Variants in DOCK4 observed in about 807,000 individuals in gnomAD.
DOCK4 encodes the protein dedicator of cytokinesis 4.
DOCK4 carries 97 observed loss-of-function variants against 268.1 expected under a neutral mutation model. The ratio of observed to expected loss-of-function variants is 0.36; its 90% CI spans 0.31 to 0.43. DOCK4 has a LOEUF of 0.43. Ranked by LOEUF, DOCK4 falls within the 20% of genes least tolerant of loss-of-function variation. DOCK4 has a pLI of 1.00. For synonymous variants in DOCK4, 954 were observed against 887.2 expected, an observed-to-expected ratio of 1.08 and a Z score of -1.34; for missense variants, 2,145 against 2,455.7, an observed-to-expected ratio of 0.87 and a Z score of 2.67.
At chr7:111,984,464 C>T (rs1028624623) in intron 6 of DOCK4, 74 bp from the exon 7 acceptor site, 6 of 1,332,910 alleles carry the variant, frequency 4.5e-6, no homozygotes, top group Non-Finnish European at 6.3e-6. Flanking sequence ...TGGTTTTTTA[C>T]TATATCACTT....
chr7:112,153,560 G>A (rs184425692), intron 1 of DOCK4, among the ~76,000 whole-genome samples: 251 of 152,246 alleles, frequency 1.6e-3, no homozygotes, highest in Middle Eastern at 3.4e-3. Flanking sequence ...ATCAATTTAA[G>A]TTTTCAGCTG....
intron 1 of DOCK4, among the ~76,000 whole-genome samples, chr7:112,133,174 C>T (rs1274498920): frequency 1.3e-5 from 2 of 152,118 alleles, no homozygotes; most frequent in East Asian, 1.9e-4. Context: ...AGGTGACAGG[C>T]TATACTGATG....
chr7:112,088,898 A>C (rs1809362723), intron 1 of DOCK4, among the ~76,000 whole-genome samples: 1 of 152,116 alleles, frequency 6.6e-6, no homozygotes, highest in Admixed American at 6.6e-5. Context: ...TAATTAAGTA[A>C]TGCATTTAAA....
At chr7:111,961,990 C>T (rs565280392) in intron 8 of DOCK4, among the ~76,000 whole-genome samples, 62 of 152,270 alleles carry the variant, frequency 4.1e-4, no homozygotes, top group Non-Finnish European at 7.8e-4. Flanking sequence ...AGAAGTTCAA[C>T]CAAGAGCTCA....
chr7:111,861,306 T>G (rs1805495976), intron 23 of DOCK4, among the ~76,000 whole-genome samples: 1 of 151,712 alleles, frequency 6.6e-6, no homozygotes, highest in Non-Finnish European at 1.5e-5. Flanking sequence ...TGAAGTGCTA[T>G]TTCAGAAAAA....
chr7:111,802,227 A>G (rs1284365048), intron 30 of DOCK4, among the ~76,000 whole-genome samples: 2 of 152,102 alleles, frequency 1.3e-5, no homozygotes, highest in Non-Finnish European at 2.9e-5. Context: ...CAGCTCACCA[A>G]GATGTCCTGG....
At chr7:112,071,829 A>G (rs1586762758) in intron 1 of DOCK4, among the ~76,000 whole-genome samples, 1 of 152,196 alleles carries the variant, frequency 6.6e-6, no homozygotes, top group African/African-American at 2.4e-5. Context: ...ACAGAAATAA[A>G]TCTATTAGGA....
At chr7:112,158,151 T>C (rs1395221581) in intron 1 of DOCK4, among the ~76,000 whole-genome samples, 1 of 152,184 alleles carries the variant, frequency 6.6e-6, no homozygotes, top group Non-Finnish European at 1.5e-5. Context: ...TAAGAACAGA[T>C]GGCTGAGCTG....
rs1800495702 is a variant in DOCK4 at position 111,804,147 on chromosome 7, A to C, written c.3166+4674T>G. Among the ~76,000 whole-genome samples, 3 of 152,376 alleles carry C rather than the reference A, an allele frequency of 2.0e-5. No homozygotes were observed. In the South Asian group the frequency reaches 6.2e-4, roughly 32 times the overall value. On this transcript the variant is annotated intron_variant, in intron 30 of 52. Transcript: ENST00000428084. ...AGAGATATTTTATATGCCCACGTTC[A>C]GAGCAGCACTATTCACAATAGACAA...
At chr7:112,071,554 G>A (rs1206453045) in intron 1 of DOCK4, among the ~76,000 whole-genome samples, 1 of 152,108 alleles carries the variant, frequency 6.6e-6, no homozygotes, top group Non-Finnish European at 1.5e-5. Flanking sequence ...AAGTTAAAAA[G>A]TCCTATTATT....
At chr7:111,795,720 G>A (rs779343824) in intron 30 of DOCK4, among the ~76,000 whole-genome samples, 1 of 152,186 alleles carries the variant, frequency 6.6e-6, no homozygotes, top group African/African-American at 2.4e-5. Flanking sequence ...AGTACCCTCT[G>A]TCAAAGGCCC....
rs752060319 is a variant in DOCK4 at position 111,863,391 on chromosome 7, G to A, written c.2454C>T (p.Ser818=). The change falls in exon 23 of 53, where the codon AGC becomes AGT. Residue 818 remains serine, a synonymous_variant. Coordinates refer to ENST00000428084, the MANE Select transcript of DOCK4 (RefSeq NM_001363540.2). ...CCCTACCTGGGTTGGTATAAAGCTG[G>A]CTTTCCACGGTTTTGCCAATGCACT... The part of the protein sequence containing the change: ...KLQCIGKTVE[S]QLYTNPDSRY... 1 of 1,613,990 alleles carries A rather than the reference G, an allele frequency of 6.2e-7. No individual in the cohort carries two copies. Among genetic ancestry groups the A allele is most frequent in the South Asian group, 1.1e-5 (1 of 91,082 alleles).
chr7:112,115,570 T>C (rs1812056965), intron 1 of DOCK4, among the ~76,000 whole-genome samples: 1 of 152,190 alleles, frequency 6.6e-6, no homozygotes, highest in Non-Finnish European at 1.5e-5. Flanking sequence ...TCCTCTGCCA[T>C]GCTAAGCATG....
At chr7:111,958,581 T>C (rs970611729) in intron 8 of DOCK4, among the ~76,000 whole-genome samples, 2 of 152,304 alleles carry the variant, frequency 1.3e-5, no homozygotes, top group South Asian at 4.1e-4. Flanking sequence ...TCCTGCACTA[T>C]TTAAGTAAAA....
rs546929300 is a variant in DOCK4, at chr7:111,794,867, G to A, written c.3167-4262C>T. 3.2e-4 allele frequency among the ~76,000 whole-genome samples: 48 copies of A among 152,260 alleles called. No individual in the cohort carries two copies. In the Middle Eastern group the frequency reaches 0.01, roughly 32 times the overall value. On this transcript the variant is annotated intron_variant, in intron 30 of 52. Coordinates refer to ENST00000428084, the MANE Select transcript of DOCK4 (RefSeq NM_001363540.2). ...CTACAGGCCTTTAGATGTGGCAGAA[G>A]AGTAATGCAAGTGAAAACCTGATTA...
At chr7:112,155,055 T>C (rs1235815863) in intron 1 of DOCK4, among the ~76,000 whole-genome samples, 1 of 152,234 alleles carries the variant, frequency 6.6e-6, no homozygotes, top group African/African-American at 2.4e-5. Flanking sequence ...AAGGAAGATG[T>C]TGTTTTTCCA....
chr7:112,144,958 C>T (rs1815312326), intron 1 of DOCK4, among the ~76,000 whole-genome samples: 1 of 152,114 alleles, frequency 6.6e-6, no homozygotes, highest in Admixed American at 6.5e-5. Context: ...ATGAAACACT[C>T]TTGCTTGTTA....
Position 111,900,432 on chromosome 7 carries a change from G to T in DOCK4, c.1422C>A (p.Pro474=). 6.2e-7 allele frequency: 1 copy of T among 1,613,522 alleles called. No individual in the cohort carries two copies. The highest frequency in any genetic ancestry group is 1.1e-5 in the South Asian group (1 of 90,856). The part of the protein sequence containing the change: ...SPRWSELLKL[P]IPVDKFRGAH... Reference sequence around the variant, plus strand: ...CACCCCGGAATTTATCCACAGGAATGGGAAGTTTCAGCAGTTCAGACCACC... The same window carrying T: ...CACCCCGGAATTTATCCACAGGAATTGGAAGTTTCAGCAGTTCAGACCACC... Residue 474 remains proline (P), a synonymous_variant, in exon 15 of 53, where the codon CCC becomes CCA. Coordinates refer to ENST00000428084, the MANE Select transcript of DOCK4 (RefSeq NM_001363540.2).
intron 35 of DOCK4, among the ~76,000 whole-genome samples, chr7:111,781,860 TA>T (rs750193630): frequency 6.6e-6 from 1 of 151,782 alleles, no homozygotes; most frequent in Non-Finnish European, 1.5e-5. Context: ...AAAATCAAAG[TA>T]GGGGCAAAAG....
Sources: gnomAD v4.1 joint callset for allele counts (sites outside exome capture counted in the v4.1 genomes callset) on GRCh38, gnomAD v4.1.1 for gene constraint, MANE v1.5 for transcripts, NCBI Gene and HGNC (gene_info 2026-07-23, HGNC 2026-07-21) for gene names.